Variants in RNF34 observed in about 807,000 individuals in gnomAD.
RNF34 encodes E3 ubiquitin-protein ligase RNF34.
In RNF34, 12 loss-of-function variants were observed where a neutral mutation model predicts 37.9. That is an observed-to-expected ratio of 0.32 (90% CI 0.20 to 0.51). The LOEUF (loss-of-function observed/expected upper bound fraction) is 0.51. Ranked by LOEUF, RNF34 falls within the 20% of genes least tolerant of loss-of-function variation. The probability of loss-of-function intolerance (pLI) is 0.97; values close to 1 mark genes in which losing one functional copy is unlikely to be tolerated. For missense variants in RNF34, 362 were observed against 472.7 expected (o/e 0.77, Z 2.17); for synonymous variants, 155 against 177.2 (o/e 0.87, Z 1.00).
At chr12:121,416,560 T>C (rs543550025) in intron 2 of RNF34, 183 bp downstream of exon 2, 4 of 551,462 alleles carry the variant, frequency 7.3e-6, no homozygotes, top group South Asian at 6.6e-5. Context: ...TCAAGTTTTA[T>C]AGACATTGTT....
At position 121,420,284 on chromosome 12, in the gene RNF34, G is replaced by A. The variant is rs1555283046; in HGVS notation, c.676G>A (p.Asp226Asn). 1.3e-6 allele frequency: 2 copies of A among 1,597,698 alleles called. No homozygotes were observed. Among genetic ancestry groups the A allele is most frequent in the Admixed American group, 1.7e-5 (1 of 58,538 alleles). ...ITSANTEDDD[D>N]DDDEDDDDEE... ...TTCAGCAAACACAGAAGATGATGAT[G>A]ACGACGATGATGAGGATGATGATGA... Residue 226 changes from aspartate (D) to asparagine (N), a missense_variant, in exon 4 of 6, where the codon GAC becomes AAC. Physicochemically the swap from Asp to Asn is conservative, Grantham distance 23. Coordinates refer to ENST00000361234, the MANE Select transcript of RNF34 (RefSeq NM_025126.4).
chr12:121,420,207 T>C, intron 3 of RNF34, 35 bp from the exon 4 acceptor site: 1 of 1,599,618 alleles, frequency 6.3e-7, no homozygotes, highest in Non-Finnish European at 8.6e-7. Context: ...TACAGATTGA[T>C]TCCTGACCTA....
At chr12:121,406,283 A>AGTTGTT (rs79540358) in intron 1 of RNF34, among the ~76,000 whole-genome samples, 21 of 150,606 alleles carry the variant, frequency 1.4e-4, no homozygotes, top group Admixed American at 2.6e-4. Flanking sequence ...GGAATGTGTA[A>AGTTGTT]GTTGTTGTTG....
chr12:121,420,548 C>T, intron 4 of RNF34, 29 bp from the exon 5 acceptor site: 1 of 1,609,504 alleles, frequency 6.2e-7, no homozygotes, highest in Non-Finnish European at 8.5e-7. Context: ...CTTATGGGAC[C>T]AGGGCTAATG....
At chr12:121,422,109 T>C (rs1872221413) in intron 5 of RNF34, among the ~76,000 whole-genome samples, 1 of 152,234 alleles carries the variant, frequency 6.6e-6, no homozygotes, top group Admixed American at 6.5e-5. Flanking sequence ...CTATGTACAG[T>C]GCACAACGAT....
At chr12:121,406,096 T>C (rs558426432) in intron 1 of RNF34, among the ~76,000 whole-genome samples, 1 of 152,164 alleles carries the variant, frequency 6.6e-6, no homozygotes, top group Admixed American at 6.5e-5. Context: ...GCCTGTCTTA[T>C]TTCTTAATTA....
At chr12:121,400,938 C>T (rs1869927695) in intron 1 of RNF34, among the ~76,000 whole-genome samples, 1 of 152,164 alleles carries the variant, frequency 6.6e-6, no homozygotes, top group African/African-American at 2.4e-5. Context: ...AACCCGATCA[C>T]TGAGAGTTCT....
chr12:121,411,131 A>C (rs899385346), intron 1 of RNF34, among the ~76,000 whole-genome samples: 1 of 151,992 alleles, frequency 6.6e-6, no homozygotes, highest in Non-Finnish European at 1.5e-5. Context: ...GAGTCTCCCT[A>C]TGTTGCCCAG....
chr12:121,406,792 G>C (rs1870581516), intron 1 of RNF34, among the ~76,000 whole-genome samples: 1 of 152,130 alleles, frequency 6.6e-6, no homozygotes, highest in Non-Finnish European at 1.5e-5. Flanking sequence ...CTCTGAGCTT[G>C]GAGTTTTGTG....
At position 121,423,504 on chromosome 12, in the gene RNF34, C is replaced by A; in HGVS notation, c.1047C>A (p.Cys349Ter). Reference sequence around the variant, plus strand: ...GGCACATGGTTACCTGCACCAAGTGCGGCAAGCGCATGAGTGAGTGTCCCA... The same window carrying A: ...GGCACATGGTTACCTGCACCAAGTGAGGCAAGCGCATGAGTGAGTGTCCCA... ...ECGHMVTCTK[C>*]GKRMSECPIC... The change falls in exon 6 of 6, where the codon TGC becomes TGA. Residue 349 changes from cysteine to a stop codon, truncating the protein, a stop_gained. Coordinates refer to ENST00000361234, the MANE Select transcript of RNF34 (RefSeq NM_025126.4). LOFTEE classifies it high-confidence loss of function. The surrounding 1 kb of genome is among the most constrained non-coding windows in gnomAD (Gnocchi z 4.3). 1.2e-6 allele frequency: 2 copies of A among 1,614,140 alleles called. No individual in the cohort carries two copies. The highest frequency in any genetic ancestry group is 1.1e-5 in the South Asian group (1 of 91,072).
intron 1 of RNF34, among the ~76,000 whole-genome samples, chr12:121,403,783 A>C (rs552964821): frequency 6.6e-6 from 1 of 152,312 alleles, no homozygotes; most frequent in African/African-American, 2.4e-5. Flanking sequence ...TGTAAATAAT[A>C]TATTTAACTT....
intron 1 of RNF34, among the ~76,000 whole-genome samples, chr12:121,413,514 C>A (rs1025729764): frequency 6.7e-6 from 1 of 148,554 alleles, no homozygotes; most frequent in Non-Finnish European, 1.5e-5. Flanking sequence ...TGGGTTCAAG[C>A]GATTCTCCTG....
chr12:121,410,673 T>A (rs1555281263), intron 1 of RNF34, among the ~76,000 whole-genome samples: 3 of 150,664 alleles, frequency 2.0e-5, no homozygotes, highest in Non-Finnish European at 4.4e-5. Context: ...CTCTCAGAGA[T>A]GATAACTATA....
chr12:121,421,689 G>T, intron 5 of RNF34, among the ~76,000 whole-genome samples: 1 of 151,846 alleles, frequency 6.6e-6, no homozygotes, highest in Non-Finnish European at 1.5e-5. Flanking sequence ...CTTTTTAATT[G>T]TAAAAAAAAT....
Position 121,408,962 on chromosome 12 carries a change from A to C in RNF34, c.7-7197A>C, listed in dbSNP as rs140798762. Among the ~76,000 whole-genome samples, 34 of 151,712 alleles carry C rather than the reference A, an allele frequency of 2.2e-4. 1 individual carries two copies. In the East Asian group the frequency reaches 4.4e-3, roughly 20 times the overall value. On this transcript the variant is annotated intron_variant, in intron 1 of 5. Transcript: ENST00000361234. Reference sequence around the variant, plus strand: ...TCATTGAAGAATCAGATTGTTAAAAACTCAGGTGACCCTTTCTTTTTTTTT... The same window carrying C: ...TCATTGAAGAATCAGATTGTTAAAACCTCAGGTGACCCTTTCTTTTTTTTT...
At chr12:121,405,420 A>G (rs1870430718) in intron 1 of RNF34, among the ~76,000 whole-genome samples, 3 of 152,192 alleles carry the variant, frequency 2.0e-5, no homozygotes, top group Non-Finnish European at 4.4e-5. Flanking sequence ...CTACAGAGCT[A>G]AGGTTCTGTT....
Position 121,417,595 on chromosome 12 carries a change from A to G in RNF34, c.317A>G (p.Gln106Arg). 6.2e-7 allele frequency: 1 copy of G among 1,614,198 alleles called. No homozygotes were observed. Among genetic ancestry groups the G allele is most frequent in the Non-Finnish European group, 8.5e-7 (1 of 1,180,034 alleles). The stretch of plus-strand genomic sequence containing the variant: ...AGATGTTCTACTTGTCACTTATTAC[A>G]AGAGACAGCATTTCAGCGCCCTCAG... ...LRRCSTCHLL[Q>R]ETAFQRPQLM... Residue 106 changes from glutamine to arginine, a missense_variant, in exon 3 of 6, where the codon CAA (glutamine) becomes CGA (arginine). Transcript: ENST00000361234. The surrounding 1 kb of genome is among the most constrained non-coding windows in gnomAD (Gnocchi z 5.0).
At chr12:121,413,020 A>G (rs567057952) in intron 1 of RNF34, among the ~76,000 whole-genome samples, 1 of 133,824 alleles carries the variant, frequency 7.5e-6, no homozygotes, top group Non-Finnish European at 1.6e-5. Flanking sequence ...TGCCCAGGCT[A>G]TTTTTTTTTT....
chr12:121,403,264 C>T (rs541055430), intron 1 of RNF34, among the ~76,000 whole-genome samples: 5 of 151,998 alleles, frequency 3.3e-5, no homozygotes, highest in African/African-American at 9.6e-5. Flanking sequence ...GATGTGGTGG[C>T]GGGCGCCTGT....
Sources: gnomAD v4.1 joint callset for allele counts (sites outside exome capture counted in the v4.1 genomes callset) on GRCh38, gnomAD v4.1.1 for gene constraint, Gnocchi (gnomAD v3.1) non-coding constraint, MANE v1.5 for transcripts, NCBI Gene and HGNC (gene_info 2026-07-23, HGNC 2026-07-21) for gene names.